The following DIS3L2 variants were observed in gnomAD, a reference collection of about 807,000 sequenced individuals.
The protein encoded by DIS3L2 is DIS3 like 3'-5' exoribonuclease 2.
In DIS3L2, 34 loss-of-function variants were observed where a neutral mutation model predicts 97.5. That is an observed-to-expected ratio of 0.35 (90% confidence interval 0.27 to 0.46). DIS3L2 has a LOEUF of 0.46. Among genes scored for constraint, DIS3L2 ranks in the 20% least tolerant of loss-of-function variants. DIS3L2 has a pLI of 1.00. For missense variants in DIS3L2, 1,038 were observed against 1,146.0 expected (o/e 0.91, Z 1.36); for synonymous variants, 435 against 445.2 (o/e 0.98, Z 0.29).
chr2:232,120,722 G>A (rs1471364288), intron 6 of DIS3L2, among the ~76,000 whole-genome samples: 3 of 152,072 alleles, frequency 2.0e-5, no homozygotes, highest in Non-Finnish European at 2.9e-5. Flanking sequence ...TGTTTCAGAG[G>A]AAACAAAAGC....
chr2:231,998,664 T>C (rs1271025628), intron 1 of DIS3L2, among the ~76,000 whole-genome samples: 1 of 152,236 alleles, frequency 6.6e-6, no homozygotes, highest in Non-Finnish European at 1.5e-5. Context: ...TATTTAAAAT[T>C]CTGTTACTTC....
At position 232,300,138 on chromosome 2, in the gene DIS3L2, AAG is replaced by A. The variant is rs1456218706; in HGVS notation, c.1739+22_1739+23del. ...GCAACAAGTAAGCCACTCAGTGGGA[AAG>A]AGTGTCACTTCACATGTGTGCAGCA... On this transcript the variant is annotated intron_variant, in intron 14 of 20. Transcript: ENST00000325385. The A allele has an allele frequency of 6.2e-7, 1 of 1,611,288 alleles. No homozygotes were observed. The highest frequency in any genetic ancestry group is 2.2e-5 in the East Asian group (1 of 44,814).
At position 232,089,116 on chromosome 2, in the gene DIS3L2, A is replaced by T. The variant is rs1326041337; in HGVS notation, c.601+1395A>T. On this transcript the variant is annotated intron_variant, in intron 6 of 20. Transcript: ENST00000325385. ...ATCTTCAGGACATGACTGGAGAAGGATGACTGCTTTTCTCCATTGCTGAGG... is the reference window on the plus strand; with the variant it reads ...ATCTTCAGGACATGACTGGAGAAGGTTGACTGCTTTTCTCCATTGCTGAGG... Among the ~76,000 whole-genome samples the T allele has an allele frequency of 3.9e-5, 6 of 152,244 alleles. No individual in the cohort carries two copies. In the East Asian group the frequency reaches 1.2e-3, roughly 29 times the overall value.
In DIS3L2 at chr2:232,292,967, G is replaced by C. The variant is rs1694639034; in HGVS notation, c.1660-7073G>C. On this transcript the variant is annotated intron_variant, in intron 13 of 20. Transcript: ENST00000325385. The surrounding 1 kb of genome is among the most constrained non-coding windows in gnomAD (Gnocchi z 4.4). ...GGATTGGGTAGTGGTGAGCTCTCCT[G>C]CTTGACATGGCAGCTGCCTCTGGAG... Among the ~76,000 whole-genome samples the C allele has an allele frequency of 6.6e-6, 1 of 152,154 alleles. No homozygotes were observed. The highest frequency in any genetic ancestry group is 2.4e-5 in the African/African-American group (1 of 41,422).
chr2:232,127,280 G>A (rs140905597), intron 6 of DIS3L2, among the ~76,000 whole-genome samples: 462 of 152,202 alleles, frequency 3.0e-3, no homozygotes, highest in African/African-American at 0.01. Flanking sequence ...AACCACCTCC[G>A]AAATAGAATT....
At chr2:232,121,257 C>G (rs1468918004) in intron 6 of DIS3L2, among the ~76,000 whole-genome samples, 3 of 152,142 alleles carry the variant, frequency 2.0e-5, no homozygotes, top group Non-Finnish European at 4.4e-5. Flanking sequence ...TATTGAAATA[C>G]TTTCTTTCTT....
In DIS3L2 at chr2:232,036,763, T is replaced by G. The variant is rs563781800; in HGVS notation, c.366+6683T>G. On this transcript the variant is annotated intron_variant, in intron 5 of 20. Coordinates refer to ENST00000325385, the MANE Select transcript of DIS3L2 (RefSeq NM_152383.5). The stretch of plus-strand genomic sequence containing the variant: ...TTGCTTTCTGTTTGTTAGTTCTTCT[T>G]CTAACAGTCAGGCCCCTCTTCTGCA... Among the ~76,000 whole-genome samples the G allele has an allele frequency of 3.3e-5, 5 of 152,312 alleles. No individual in the cohort carries two copies. The South Asian group carries it at 8.3e-4, about 25-fold the overall frequency.
chr2:232,283,039 A>C, intron 13 of DIS3L2, among the ~76,000 whole-genome samples: 1 of 152,164 alleles, frequency 6.6e-6, no homozygotes, highest in East Asian at 1.9e-4. Context: ...GACCACTGAG[A>C]GCCTTATTTT....
intron 1 of DIS3L2, among the ~76,000 whole-genome samples, chr2:231,973,286 A>G (rs1172160168): frequency 6.6e-6 from 1 of 151,680 alleles, no homozygotes; most frequent in Non-Finnish European, 1.5e-5. Flanking sequence ...ATGTTTATAC[A>G]CACACACACA....
At chr2:232,250,370 CAA>C (rs923417015) in intron 12 of DIS3L2, among the ~76,000 whole-genome samples, 1 of 151,078 alleles carries the variant, frequency 6.6e-6, no homozygotes, top group African/African-American at 2.4e-5. Context: ...CCCACAAGGA[CAA>C]AGAGAGTGGG....
At chr2:231,985,492 G>A (rs999318448) in intron 1 of DIS3L2, among the ~76,000 whole-genome samples, 3 of 152,180 alleles carry the variant, frequency 2.0e-5, no homozygotes, top group Non-Finnish European at 4.4e-5. Context: ...TTGAATGACG[G>A]TTGTTTTCAG....
chr2:232,048,576 T>TA, intron 5 of DIS3L2, among the ~76,000 whole-genome samples: 1 of 151,938 alleles, frequency 6.6e-6, no homozygotes, highest in Non-Finnish European at 1.5e-5. Context: ...ATTAAAAATA[T>TA]AAAAAATTAG....
Position 232,334,344 on chromosome 2 carries a change from C to T in DIS3L2, c.2159-25C>T, listed in dbSNP as rs779473056. 9.9e-6 allele frequency: 16 copies of T among 1,611,434 alleles called. No individual in the cohort carries two copies. The Admixed American group carries it at 1.2e-4, about 12-fold the overall frequency. ...CTTCCCAGCCCCCCAGGCTCCCACT[C>T]TCATGCCTCACCCCCTCTTCCCAGG... On this transcript the variant is annotated intron_variant, in intron 17 of 20. Coordinates refer to ENST00000325385, the MANE Select transcript of DIS3L2 (RefSeq NM_152383.5).
intron 11 of DIS3L2, among the ~76,000 whole-genome samples, chr2:232,241,916 G>A (rs537682334): frequency 7.9e-5 from 12 of 152,308 alleles, no homozygotes; most frequent in Admixed American, 1.3e-4. Flanking sequence ...TTTTAGGTGC[G>A]AAACAGCTCA....
At position 232,329,963 on chromosome 2, in the gene DIS3L2, G is replaced by C. The variant is rs368877166; in HGVS notation, c.1890G>C (p.Leu630=). Reference sequence around the variant, plus strand: ...TGGAATTCTGCGACCAGATGGGGCTGCCCGTGGACTTCAGCTCCGCAGGAG... The same window carrying C: ...TGGAATTCTGCGACCAGATGGGGCTCCCCGTGGACTTCAGCTCCGCAGGAG... The part of the protein sequence containing the change: ...DLVEFCDQMG[L]PVDFSSAGAL... Residue 630 remains leucine (L), a synonymous_variant, in exon 15 of 21, where the codon CTG becomes CTC. Coordinates refer to ENST00000325385, the MANE Select transcript of DIS3L2 (RefSeq NM_152383.5). The C allele has an allele frequency of 3.7e-6, 6 of 1,612,646 alleles. No homozygotes were observed. The highest frequency in any genetic ancestry group is 4.2e-6 in the Non-Finnish European group (5 of 1,179,546).
chr2:232,230,756 C>T (rs555686288), intron 10 of DIS3L2, among the ~76,000 whole-genome samples: 2 of 152,192 alleles, frequency 1.3e-5, no homozygotes, highest in Non-Finnish European at 2.9e-5. Flanking sequence ...TTAGCGCTCC[C>T]TGGTGGCTTC....
intron 6 of DIS3L2, among the ~76,000 whole-genome samples, chr2:232,093,936 A>T (rs1696922580): frequency 6.6e-6 from 1 of 151,884 alleles, no homozygotes; most frequent in Non-Finnish European, 1.5e-5. Flanking sequence ...GTTCTTTAAG[A>T]TGCATCATTA....
At chr2:232,239,983 C>T (rs1693034302) in intron 11 of DIS3L2, among the ~76,000 whole-genome samples, 1 of 152,230 alleles carries the variant, frequency 6.6e-6, no homozygotes, top group South Asian at 2.1e-4. Flanking sequence ...TTAGTTCCCC[C>T]AGTGTAGCTG....
chr2:232,227,597 C>G (rs1009010416), intron 10 of DIS3L2, among the ~76,000 whole-genome samples: 4 of 152,134 alleles, frequency 2.6e-5, no homozygotes, highest in African/African-American at 9.7e-5. Flanking sequence ...GAAATGGTTT[C>G]CCTTTCATGC....
Sources: allele counts gnomAD v4.1 joint callset (sites outside exome capture counted in the v4.1 genomes callset), GRCh38; gene constraint gnomAD v4.1.1; non-coding constraint Gnocchi (gnomAD v3.1); transcripts MANE v1.5; gene names NCBI Gene and HGNC (gene_info 2026-07-23, HGNC 2026-07-21).